PSG6: variants seen among roughly 807,000 people sequenced by gnomAD.
The protein encoded by PSG6 is pregnancy-specific beta-1-glycoprotein 6.
In PSG6, 51 loss-of-function variants were observed where a neutral mutation model predicts 43.3. The observed-to-expected ratio is 1.18, with a 90% CI of 0.94 to 1.49. The LOEUF is 1.49. Ranked by LOEUF, PSG6 falls within the 40% of genes most tolerant of loss-of-function variation. The pLI, the probability that PSG6 is intolerant of heterozygous loss-of-function variation, is 0.00. For missense variants in PSG6, 770 were observed against 522.2 expected, an observed-to-expected ratio of 1.47 and a Z score of -4.62; for synonymous variants, 292 against 197.6, an observed-to-expected ratio of 1.48 and a Z score of -4.01.
At position 42,910,433 on chromosome 19, in the gene PSG6, T is replaced by G. The variant is rs779115827; in HGVS notation, c.706+147A>C. The G allele has an allele frequency of 3.1e-6, 5 of 1,592,446 alleles. 1 individual carries two copies. Among genetic ancestry groups the G allele is most frequent in the East Asian group, 2.2e-5 (1 of 44,620 alleles). ...TGATCAAGCCTAGGCCTACTCTGGTTTGCCTGGAGCAGAAAGTCATGGCCA... is the reference window on the plus strand; with the variant it reads ...TGATCAAGCCTAGGCCTACTCTGGTGTGCCTGGAGCAGAAAGTCATGGCCA... On this transcript the variant is annotated intron_variant, in intron 3 of 5. Coordinates refer to ENST00000187910, the MANE Select transcript of PSG6 (RefSeq NM_001031850.4).
chr19:42,906,903 G>A lies in PSG6; in HGVS notation c.1240+19C>T. The A allele has an allele frequency of 6.2e-7, 1 of 1,612,210 alleles. No individual in the cohort carries two copies. The highest frequency in any genetic ancestry group is 1.3e-5 in the African/African-American group (1 of 74,790). ...CTCCACCTAAAACCCTATTGCCAAG[G>A]ATGCTGGGATCCACTTACCAGAGAC... is the stretch of plus-strand genomic sequence containing the variant. On this transcript the variant is annotated intron_variant, in intron 5 of 5. Transcript: ENST00000187910.
chr19:42,903,740 C>T (rs560284810), intron 5 of PSG6: 2 of 1,492,172 alleles, frequency 1.3e-6, no homozygotes, highest in Non-Finnish European at 1.8e-6. Flanking sequence ...AAAAAAAAAA[C>T]CAATTAGCTG....
intron 5 of PSG6, among the ~76,000 whole-genome samples, chr19:42,905,500 A>G (rs1972097104): frequency 6.6e-6 from 1 of 151,736 alleles, no homozygotes; most frequent in Admixed American, 6.6e-5. Flanking sequence ...TAGCCAATGT[A>G]AAAAGTAGTG....
intron 2 of PSG6, chr19:42,915,840 G>T: frequency 1.9e-6 from 1 of 526,272 alleles, no homozygotes; most frequent in South Asian, 4.1e-5. Flanking sequence ...AATTTATGAA[G>T]AGGGCATGAG....
Position 42,916,455 on chromosome 19 carries a change from T to C in PSG6, c.97A>G (p.Thr33Ala). The C allele has an allele frequency of 6.2e-7, 1 of 1,611,700 alleles. No homozygotes were observed. Among genetic ancestry groups the C allele is most frequent in the Non-Finnish European group, 8.5e-7 (1 of 1,178,912 alleles). The change falls in exon 2 of 6, where the codon ACT becomes GCT. Residue 33 changes from threonine (T) to alanine (A), a missense_variant. Coordinates refer to ENST00000187910, the MANE Select transcript of PSG6 (RefSeq NM_001031850.4). ...TTGGCTTCAATTATTACTTGGGCAGTGGTGGGCAGGTTCCAGAAGTTTAAA... is the reference window on the plus strand; with the variant it reads ...TTGGCTTCAATTATTACTTGGGCAGCGGTGGGCAGGTTCCAGAAGTTTAAA... Reference protein sequence around the residue: ...SLLNFWNLPTTAQVIIEAKPP... With the variant: ...SLLNFWNLPTAAQVIIEAKPP...
At chr19:42,909,171 A>T (rs541683640) in intron 3 of PSG6, among the ~76,000 whole-genome samples, 68 of 151,858 alleles carry the variant, frequency 4.5e-4, no homozygotes, top group Non-Finnish European at 8.8e-4. Flanking sequence ...TTAGTAGGCA[A>T]AAGTGGGAGG....
At chr19:42,910,286 G>C (rs980114212) in intron 3 of PSG6, 3 of 700,684 alleles carry the variant, frequency 4.3e-6, no homozygotes, top group Admixed American at 3.1e-5. Flanking sequence ...CAACACTGAA[G>C]TCCCAGCCAA....
rs746708210 is a variant in PSG6, at chr19:42,907,751, G to A, written c.810C>T (p.Tyr270=). The A allele has an allele frequency of 2.5e-6, 4 of 1,610,756 alleles. No homozygotes were observed. Among genetic ancestry groups the A allele is most frequent in the Non-Finnish European group, 3.4e-6 (4 of 1,179,120 alleles). ...TCEPKSRNYT[Y]IWWLNGQSLP... is the part of the protein sequence containing the mutation. ...GGCTCTGACCATTTAGCCACCAAATGTAGGTGTAGTTCCGACTCTTAGGTT... is the reference window on the plus strand; with the variant it reads ...GGCTCTGACCATTTAGCCACCAAATATAGGTGTAGTTCCGACTCTTAGGTT... The change falls in exon 4 of 6, where the codon TAC becomes TAT. Residue 270 remains tyrosine, a synonymous_variant. Coordinates refer to ENST00000187910, the MANE Select transcript of PSG6 (RefSeq NM_001031850.4).
At position 42,907,215 on chromosome 19, in the gene PSG6, A is replaced by G. The variant is rs201230225; in HGVS notation, c.986-39T>C. Reference sequence around the variant, plus strand: ...AATAAAGCCACAGGTGATGTCATCCAAGGGAAGGGGATGCTCCTGGTCTCT... The same window carrying G: ...AATAAAGCCACAGGTGATGTCATCCGAGGGAAGGGGATGCTCCTGGTCTCT... On this transcript the variant is annotated intron_variant, in intron 4 of 5. Transcript: ENST00000187910. 1.7e-3 allele frequency: 2,749 copies of G among 1,594,676 alleles called. 74 individuals are homozygous for G. Among genetic ancestry groups the G allele is most frequent in the Non-Finnish European group, 1.3e-3 (1,477 of 1,168,488 alleles).
chr19:42,911,907 G>A (rs1972234010), intron 2 of PSG6, among the ~76,000 whole-genome samples: 1 of 151,454 alleles, frequency 6.6e-6, no homozygotes, highest in African/African-American at 2.4e-5. Context: ...TGAAATCACG[G>A]GTATAGGGCG....
rs184490216 is a variant in PSG6, at chr19:42,916,502, C to A, written c.65-15G>T. 1 of 1,602,746 alleles carries A rather than the reference C, an allele frequency of 6.2e-7. No individual in the cohort carries two copies. Among genetic ancestry groups the A allele is most frequent in the South Asian group, 1.1e-5 (1 of 88,620 alleles). Reference sequence around the variant, plus strand: ...TAAAAGTGATGCTAGGAGGTAGAGACAGCATCAGTTAATATTTGGACCTAT... The same window carrying A: ...TAAAAGTGATGCTAGGAGGTAGAGAAAGCATCAGTTAATATTTGGACCTAT... On this transcript the variant is annotated splice_polypyrimidine_tract_variant and intron_variant, in intron 1 of 5. Transcript: ENST00000187910.
Position 42,916,192 on chromosome 19 carries a change from G to T in PSG6, c.360C>A (p.Thr120=), listed in dbSNP as rs761696551. The T allele has an allele frequency of 1.2e-6, 2 of 1,612,182 alleles. No homozygotes were observed. The highest frequency in any genetic ancestry group is 1.7e-6 in the Non-Finnish European group (2 of 1,179,056). Residue 120 remains threonine, a synonymous_variant, in exon 2 of 6, where the codon ACC becomes ACA. Coordinates refer to ENST00000187910, the MANE Select transcript of PSG6 (RefSeq NM_001031850.4). ...CATCGCCTCGCTTTATGATGTGTAA[G>T]GTGTAGGATCCTGCATCCTCCTGTG... ...NVTQEDAGSY[T]LHIIKRGDGT...
Position 42,916,448 on chromosome 19 carries a change from T to C in PSG6, c.104A>G (p.Gln35Arg). The change falls in exon 2 of 6, where the codon CAA (glutamine) becomes CGA (arginine). Residue 35 changes from glutamine (Q) to arginine (R), a missense_variant. By Grantham distance (43) the Gln-to-Arg change is conservative. Transcript: ENST00000187910. ...GGGTGGCTTGGCTTCAATTATTACT[T>C]GGGCAGTGGTGGGCAGGTTCCAGAA... ...LNFWNLPTTA[Q>R]VIIEAKPPKV... 6.2e-7 allele frequency: 1 copy of C among 1,611,698 alleles called. No individual in the cohort carries two copies. The highest frequency in any genetic ancestry group is 8.5e-7 in the Non-Finnish European group (1 of 1,178,886).
At chr19:42,906,557 A>G in intron 5 of PSG6, 1 of 1,307,596 alleles carries the variant, frequency 7.6e-7, no homozygotes, top group Non-Finnish European at 1.0e-6. Flanking sequence ...TAGCTCATGG[A>G]ATAGGTACAA....
At chr19:42,911,149 A>T (rs958645592) in intron 2 of PSG6, among the ~76,000 whole-genome samples, 5 of 151,548 alleles carry the variant, frequency 3.3e-5, no homozygotes, top group Admixed American at 2.6e-4. Flanking sequence ...TGCCTCTCTG[A>T]GTCCCTCCGT....
At chr19:42,907,206 A>T in intron 4 of PSG6, 30 bp from the exon 5 acceptor site, 1 of 1,602,054 alleles carries the variant, frequency 6.2e-7, no homozygotes, top group South Asian at 1.1e-5. Flanking sequence ...GCCACAGGTG[A>T]TGTCATCCAA....
intron 2 of PSG6, 22 bp downstream of exon 2, chr19:42,916,103 G>A (rs762644521): frequency 1.9e-5 from 31 of 1,608,560 alleles, no homozygotes; most frequent in African/African-American, 8.0e-5. Flanking sequence ...CCAACACCCA[G>A]GGATCATGCG....
chr19:42,916,660 G>T (rs538500766), intron 1 of PSG6, among the ~76,000 whole-genome samples, 173 bp from the exon 2 acceptor site: 57 of 150,758 alleles, frequency 3.8e-4, no homozygotes, highest in African/African-American at 1.2e-3. Flanking sequence ...GTGTATGTGT[G>T]TGTGTCCTAC....
At chr19:42,910,412 C>G (rs765967717) in intron 3 of PSG6, 168 bp downstream of exon 3, 8 of 1,540,084 alleles carry the variant, frequency 5.2e-6, no homozygotes, top group South Asian at 2.3e-5. Context: ...TATTGTTGAT[C>G]AAGCCTAGGC....
Sources: allele counts gnomAD v4.1 joint callset (sites outside exome capture counted in the v4.1 genomes callset), GRCh38; gene constraint gnomAD v4.1.1; transcripts MANE v1.5; gene names NCBI Gene and HGNC (gene_info 2026-07-23, HGNC 2026-07-21).